The following LRRC4C variants were observed in gnomAD, a reference collection of about 807,000 sequenced individuals.
LRRC4C encodes the protein leucine rich repeat containing 4C, also known as leucine-rich repeat-containing protein 4C.
In LRRC4C, 5 loss-of-function variants were observed where a neutral mutation model predicts 33.6. The observed-to-expected ratio is 0.15, with a 90% CI of 0.08 to 0.31. LRRC4C has a LOEUF of 0.31. LRRC4C is among the 10% of genes least tolerant of loss of function. The pLI is 1.00. For synonymous variants in LRRC4C, 329 were observed against 302.0 expected, an observed-to-expected ratio of 1.09 and a Z score of -0.93; for missense variants, 560 against 796.7, an observed-to-expected ratio of 0.70 and a Z score of 3.58.
intron 1 of LRRC4C, among the ~76,000 whole-genome samples, chr11:41,030,101 TA>T (rs1471050394): frequency 6.6e-6 from 1 of 151,866 alleles, no homozygotes; most frequent in Non-Finnish European, 1.5e-5. Context: ...CATCTCTTTT[TA>T]AATTGCCATC....
intron 1 of LRRC4C, among the ~76,000 whole-genome samples, chr11:41,377,050 T>A (rs1429698234): frequency 6.6e-6 from 1 of 152,202 alleles, no homozygotes; most frequent in Admixed American, 6.5e-5. Flanking sequence ...TGGAGCCATA[T>A]GTCCAAGAAA....
At chr11:40,623,023 G>C (rs1010448849) in intron 3 of LRRC4C, among the ~76,000 whole-genome samples, 2 of 151,714 alleles carry the variant, frequency 1.3e-5, no homozygotes, top group African/African-American at 4.8e-5. Context: ...TCACTGGAAA[G>C]TATTTTACAG....
At chr11:41,068,487 AAGAAG>A (rs759621057) in intron 1 of LRRC4C, among the ~76,000 whole-genome samples, 2 of 152,152 alleles carry the variant, frequency 1.3e-5, no homozygotes, top group Admixed American at 6.5e-5. Flanking sequence ...TAGACTAATA[AAGAAG>A]AGAAAAGAAT....
At chr11:40,187,601 C>T (rs1231008410) in intron 5 of LRRC4C, among the ~76,000 whole-genome samples, 1 of 152,008 alleles carries the variant, frequency 6.6e-6, no homozygotes, top group Non-Finnish European at 1.5e-5. Context: ...GATTAACCAG[C>T]CCAGCCATCT....
At chr11:41,006,272 T>C (rs61887628) in intron 1 of LRRC4C, among the ~76,000 whole-genome samples, 7,113 of 152,268 alleles carry the variant, frequency 0.047, 240 homozygotes, top group African/African-American at 0.1. Context: ...AATTAAGTAA[T>C]TGCTGTAACA....
chr11:41,012,463 A>G (rs1403233516), intron 1 of LRRC4C, among the ~76,000 whole-genome samples: 1 of 152,024 alleles, frequency 6.6e-6, no homozygotes, highest in East Asian at 1.9e-4. Flanking sequence ...TATATATCAC[A>G]TTTTCTTTAT....
At chr11:41,109,770 A>T (rs1462683624) in intron 1 of LRRC4C, among the ~76,000 whole-genome samples, 1 of 151,930 alleles carries the variant, frequency 6.6e-6, no homozygotes, top group Non-Finnish European at 1.5e-5. Flanking sequence ...CTACAACACC[A>T]TTTCTTCCCA....
chr11:40,319,277 C>T (rs1025032072), intron 4 of LRRC4C, among the ~76,000 whole-genome samples: 2 of 152,000 alleles, frequency 1.3e-5, no homozygotes, highest in African/African-American at 4.8e-5. Flanking sequence ...CCATTCTCTT[C>T]CCCTTCATCT....
intron 3 of LRRC4C, among the ~76,000 whole-genome samples, chr11:40,436,932 C>A (rs1951165539): frequency 6.6e-6 from 1 of 152,124 alleles, no homozygotes; most frequent in African/African-American, 2.4e-5. Flanking sequence ...TGGCTCAGAC[C>A]TCTGAGGCCA....
intron 5 of LRRC4C, among the ~76,000 whole-genome samples, chr11:40,205,764 C>T (rs1325637071): frequency 2.6e-5 from 4 of 152,024 alleles, no homozygotes; most frequent in East Asian, 1.9e-4. Context: ...ATTATTTGAC[C>T]AACTAGGTTC....
intron 1 of LRRC4C, among the ~76,000 whole-genome samples, chr11:41,371,958 A>G (rs889760885): frequency 6.6e-6 from 1 of 152,050 alleles, no homozygotes; most frequent in Non-Finnish European, 1.5e-5. Flanking sequence ...ACATGGTGAA[A>G]CCCCGTCTCT....
At chr11:40,350,033 A>G (rs955145280) in intron 3 of LRRC4C, among the ~76,000 whole-genome samples, 1 of 152,074 alleles carries the variant, frequency 6.6e-6, no homozygotes, top group African/African-American at 2.4e-5. Flanking sequence ...TTCTCCGATC[A>G]TATGGGTTTT....
At chr11:41,231,984 A>G (rs1167770192) in intron 1 of LRRC4C, among the ~76,000 whole-genome samples, 1 of 151,666 alleles carries the variant, frequency 6.6e-6, no homozygotes, top group Non-Finnish European at 1.5e-5. Flanking sequence ...GTCTAGACTT[A>G]TTTTTCATAG....
At chr11:40,896,441 G>T (rs972360885) in intron 2 of LRRC4C, among the ~76,000 whole-genome samples, 4 of 152,184 alleles carry the variant, frequency 2.6e-5, no homozygotes, top group African/African-American at 4.8e-5. Context: ...TAGCATGAGT[G>T]TACTTCAAAT....
At chr11:40,201,354 T>A (rs1461648642) in intron 5 of LRRC4C, among the ~76,000 whole-genome samples, 1 of 152,200 alleles carries the variant, frequency 6.6e-6, no homozygotes, top group African/African-American at 2.4e-5. Context: ...GTTTTGTTTT[T>A]GTTTTTGTTT....
At chr11:40,557,659 T>A (rs779377813) in intron 3 of LRRC4C, among the ~76,000 whole-genome samples, 1 of 150,938 alleles carries the variant, frequency 6.6e-6, no homozygotes, top group Non-Finnish European at 1.5e-5. Context: ...TCTCTGACAT[T>A]TTTACACTGT....
At chr11:40,382,088 C>T (rs1948895372) in intron 3 of LRRC4C, among the ~76,000 whole-genome samples, 2 of 142,974 alleles carry the variant, frequency 1.4e-5, no homozygotes, top group African/African-American at 5.2e-5. Flanking sequence ...TCCCAAGTAG[C>T]TGGGACTACA....
chr11:41,346,764 C>A (rs980286375), intron 1 of LRRC4C, among the ~76,000 whole-genome samples: 2 of 152,184 alleles, frequency 1.3e-5, no homozygotes, highest in Non-Finnish European at 2.9e-5. Context: ...ACATAGCATT[C>A]CAAACTTGGC....
chr11:40,129,163 G>A (rs960828295), intron 6 of LRRC4C, among the ~76,000 whole-genome samples: 3 of 152,084 alleles, frequency 2.0e-5, no homozygotes, highest in Non-Finnish European at 4.4e-5. Context: ...GGCTGTAAAC[G>A]CACTAAGGAC....
Sources: gnomAD v4.1 joint callset for allele counts (sites outside exome capture counted in the v4.1 genomes callset) on GRCh38, gnomAD v4.1.1 for gene constraint, MANE v1.5 for transcripts, NCBI Gene and HGNC (gene_info 2026-07-23, HGNC 2026-07-21) for gene names.